The following ADAMTS17 variants were observed in gnomAD, a reference collection of about 807,000 sequenced individuals.
The protein encoded by ADAMTS17 is ADAM metallopeptidase with thrombospondin type 1 motif 17.
A neutral mutation model predicts 141.5 loss-of-function variants in ADAMTS17; 113 were observed. That is an observed-to-expected ratio of 0.80 (90% CI 0.69 to 0.93). The LOEUF (loss-of-function observed/expected upper bound fraction) is 0.93, where lower values mean the gene tolerates loss of function less well. ADAMTS17 is among the 40% of genes least tolerant of loss of function. ADAMTS17 has a pLI of 0.00. For synonymous variants in ADAMTS17, 768 were observed against 630.6 expected, an observed-to-expected ratio of 1.22 and a Z score of -3.27; for missense variants, 1,659 against 1,517.9, an observed-to-expected ratio of 1.09 and a Z score of -1.54.
chr15:100,198,953 A>C (rs1006564106), intron 8 of ADAMTS17, among the ~76,000 whole-genome samples: 1 of 152,268 alleles, frequency 6.6e-6, no homozygotes, highest in African/African-American at 2.4e-5. Context: ...ATGGAAAGTC[A>C]ACAGTATAAA....
chr15:100,296,599 GTGTGTA>G (rs1567503851), intron 3 of ADAMTS17, among the ~76,000 whole-genome samples: 56 of 151,914 alleles, frequency 3.7e-4, no homozygotes, highest in African/African-American at 1.3e-3. Flanking sequence ...GTGTGTGTGT[GTGTGTA>G]TGTGTGTGTG....
At chr15:100,337,908 G>A (rs1471588998) in intron 2 of ADAMTS17, among the ~76,000 whole-genome samples, 1 of 152,178 alleles carries the variant, frequency 6.6e-6, no homozygotes, top group African/African-American at 2.4e-5. Flanking sequence ...GGCCTTCCAC[G>A]ATCCAGTCCT....
intron 18 of ADAMTS17, among the ~76,000 whole-genome samples, chr15:100,009,970 G>A (rs1336957659): frequency 1.3e-5 from 2 of 152,162 alleles, no homozygotes; most frequent in Non-Finnish European, 2.9e-5. Context: ...ATTCCCATGT[G>A]TCGTGGGAGG....
At chr15:100,020,100 T>C (rs1259510420) in intron 18 of ADAMTS17, among the ~76,000 whole-genome samples, 3 of 152,028 alleles carry the variant, frequency 2.0e-5, no homozygotes, top group Non-Finnish European at 2.9e-5. Flanking sequence ...CTGAACCAAG[T>C]AGGCTGCAGA....
chr15:100,061,265 G>A (rs1298845517), intron 15 of ADAMTS17, among the ~76,000 whole-genome samples: 2 of 152,172 alleles, frequency 1.3e-5, no homozygotes, highest in African/African-American at 4.8e-5. Context: ...AGCGAAATCA[G>A]AGGAGGTGGA....
intron 15 of ADAMTS17, among the ~76,000 whole-genome samples, chr15:100,071,852 G>C (rs1038482340): frequency 6.6e-6 from 1 of 150,384 alleles, no homozygotes; most frequent in Non-Finnish European, 1.5e-5. Flanking sequence ...GCACAAGACA[G>C]GGATGCCCTC....
At chr15:100,040,227 T>C (rs929801899) in intron 18 of ADAMTS17, among the ~76,000 whole-genome samples, 1 of 152,158 alleles carries the variant, frequency 6.6e-6, no homozygotes, top group Non-Finnish European at 1.5e-5. Flanking sequence ...ATATCCAAGC[T>C]CATTTCTGAA....
At chr15:100,244,808 C>T (rs910834767) in intron 7 of ADAMTS17, among the ~76,000 whole-genome samples, 6 of 152,210 alleles carry the variant, frequency 3.9e-5, no homozygotes, top group Middle Eastern at 3.4e-3. Flanking sequence ...TCTCCTGCAC[C>T]GCCGAGTGCA....
intron 15 of ADAMTS17, among the ~76,000 whole-genome samples, chr15:100,058,273 T>C: frequency 1.3e-5 from 1 of 75,788 alleles, no homozygotes; most frequent in Non-Finnish European, 3.0e-5. Context: ...GACACCCCTA[T>C]CCCGGCTCTA....
At chr15:100,093,541 C>T (rs994966889) in intron 15 of ADAMTS17, among the ~76,000 whole-genome samples, 1 of 152,140 alleles carries the variant, frequency 6.6e-6, no homozygotes, top group African/African-American at 2.4e-5. Context: ...TGCCTCTTGA[C>T]CTGGGGGCTT....
intron 10 of ADAMTS17, among the ~76,000 whole-genome samples, chr15:100,147,562 T>TA (rs962282021): frequency 4.6e-5 from 7 of 152,244 alleles, no homozygotes; most frequent in African/African-American, 1.7e-4. Flanking sequence ...CGAAAAGGTA[T>TA]AAAAATACGG....
intron 18 of ADAMTS17, among the ~76,000 whole-genome samples, chr15:100,017,393 C>A (rs1431008146): frequency 6.6e-6 from 1 of 152,184 alleles, no homozygotes; most frequent in Admixed American, 6.5e-5. Context: ...GGCTTCTTGC[C>A]CGGTTCAAAT....
intron 7 of ADAMTS17, among the ~76,000 whole-genome samples, chr15:100,206,601 T>C (rs927740971): frequency 6.6e-6 from 1 of 152,206 alleles, no homozygotes; most frequent in Non-Finnish European, 1.5e-5. Flanking sequence ...TGGGTTAGAA[T>C]GCCCTCCCTC....
In ADAMTS17 at chr15:100,340,959, C is replaced by T. The variant is rs555701778; in HGVS notation, c.450+80G>A. On this transcript the variant is annotated intron_variant, in intron 2 of 21. Coordinates refer to ENST00000268070, the MANE Select transcript of ADAMTS17 (RefSeq NM_139057.4). ...GGAGGCTGGACTTCCAGCAGAGGCGCCCCACCCCCACCCTCCACGGCGACC... is the reference window on the plus strand; with the variant it reads ...GGAGGCTGGACTTCCAGCAGAGGCGTCCCACCCCCACCCTCCACGGCGACC... The T allele has an allele frequency of 6.3e-5, 81 of 1,280,340 alleles. No individual in the cohort carries two copies. In the African/African-American group the frequency reaches 8.7e-4, roughly 14 times the overall value. 79.3% of individuals were successfully genotyped at this position (1,280,340 alleles called of 1,614,324 possible).
chr15:100,079,414 T>A (rs897668159), intron 15 of ADAMTS17, among the ~76,000 whole-genome samples: 1 of 152,114 alleles, frequency 6.6e-6, no homozygotes, highest in South Asian at 2.1e-4. Context: ...GACTTGAAAA[T>A]ACTATGCTAA....
chr15:100,233,383 C>T lies in ADAMTS17; in HGVS notation c.1075+20753G>A, dbSNP rs542371517. Among the ~76,000 whole-genome samples, 34 of 152,112 alleles carry T rather than the reference C, an allele frequency of 2.2e-4. No individual in the cohort carries two copies. In the East Asian group the frequency reaches 4.6e-3, roughly 21 times the overall value. ...CTCACTGAAAAGTCATATAAGTCGC[C>T]GTTTTTTAAGATGGTCAACAGGAGT... On this transcript the variant is annotated intron_variant, in intron 7 of 21. Coordinates refer to ENST00000268070, the MANE Select transcript of ADAMTS17 (RefSeq NM_139057.4).
chr15:100,114,463 C>CT (rs1184437898), intron 13 of ADAMTS17, among the ~76,000 whole-genome samples: 1 of 152,102 alleles, frequency 6.6e-6, no homozygotes, highest in Non-Finnish European at 1.5e-5. Context: ...TGAAGTGCTC[C>CT]TTTTAAAAAT....
chr15:100,141,588 G>A (rs571468208), intron 10 of ADAMTS17, among the ~76,000 whole-genome samples: 10 of 152,152 alleles, frequency 6.6e-5, no homozygotes, highest in African/African-American at 2.4e-4. Context: ...CCCCACTCCT[G>A]GAAGGCTTCC....
chr15:100,132,392 T>C (rs767047087), intron 11 of ADAMTS17, among the ~76,000 whole-genome samples: 7 of 152,270 alleles, frequency 4.6e-5, no homozygotes, highest in Non-Finnish European at 1.0e-4. Flanking sequence ...ATGTGCTCCA[T>C]GGGGATTTTC....
Sources: allele counts gnomAD v4.1 joint callset (sites outside exome capture counted in the v4.1 genomes callset), GRCh38; gene constraint gnomAD v4.1.1; transcripts MANE v1.5; gene names NCBI Gene and HGNC (gene_info 2026-07-23, HGNC 2026-07-21).